Variants in CFHR2 observed in about 807,000 individuals in gnomAD.
The protein encoded by CFHR2 is complement factor H related 2.
Under a neutral mutation model 21.7 loss-of-function variants are expected in CFHR2, and 22 were observed. The observed-to-expected ratio is 1.01, with a 90% CI of 0.72 to 1.45. The LOEUF (loss-of-function observed/expected upper bound fraction) is 1.45, where lower values mean the gene tolerates loss of function less well. Ranked by LOEUF, CFHR2 falls within the 40% of genes most tolerant of loss-of-function variation. The pLI is 0.00. For synonymous variants in CFHR2, 98 were observed against 97.4 expected (o/e 1.01, Z -0.04); for missense variants, 294 against 293.3 (o/e 1.00, Z -0.02).
At chr1:196,948,283 A>T (rs937835376) in intron 1 of CFHR2, among the ~76,000 whole-genome samples, 34 of 151,446 alleles carry the variant, frequency 2.2e-4, no homozygotes, top group Non-Finnish European at 3.8e-4. Context: ...TTTTATTTTA[A>T]TTTTTTTTGA....
intron 2 of CFHR2, 85 bp downstream of exon 2, chr1:196,949,734 T>C: frequency 3.9e-6 from 6 of 1,545,952 alleles, no homozygotes; most frequent in Non-Finnish European, 5.3e-6. Flanking sequence ...CACTTGATAA[T>C]CACAGGAGCA....
rs1219504532 is a variant in CFHR2 at position 196,959,090 on chromosome 1, C to T, written c.*10C>T. The T allele has an allele frequency of 1.9e-6, 3 of 1,552,070 alleles. No individual in the cohort carries two copies. The highest frequency in any genetic ancestry group is 2.6e-6 in the Non-Finnish European group (3 of 1,135,244). ...TTGTGAAGAAAAATAGAATCAATGG[C>T]ATTACTATTAGTAAAATGCACACCT... On this transcript the variant is annotated 3_prime_UTR_variant, in exon 5 of 5. Transcript: ENST00000367415.
rs915968268 is a variant in CFHR2, at chr1:196,958,908, T to C, written c.641T>C (p.Met214Thr). The C allele has an allele frequency of 3.1e-6, 5 of 1,590,760 alleles. No homozygotes were observed. The highest frequency in any genetic ancestry group is 3.4e-6 in the Non-Finnish European group (4 of 1,160,508). The stretch of plus-strand genomic sequence containing the variant: ...CCATGTGTAATATCACAAGAAATTA[T>C]GGAAAAATATAACATAAAATTAAAG... The part of the protein sequence containing the change: ...LDPCVISQEI[M>T]EKYNIKLKWT... Residue 214 changes from methionine to threonine, a missense_variant, in exon 5 of 5, where the codon ATG becomes ACG. Physicochemically the swap from Met to Thr is moderately conservative, Grantham distance 81. Coordinates refer to ENST00000367415, the MANE Select transcript of CFHR2 (RefSeq NM_005666.4).
intron 4 of CFHR2, among the ~76,000 whole-genome samples, chr1:196,958,415 TGAGAGA>T (rs894664239): frequency 6.9e-6 from 1 of 145,180 alleles, no homozygotes; most frequent in Non-Finnish European, 1.5e-5. Context: ...TGTGTGTGTG[TGAGAGA>T]GAGAGAGAGA....
chr1:196,956,958 G>A (rs966808047), intron 3 of CFHR2, among the ~76,000 whole-genome samples: 1 of 152,144 alleles, frequency 6.6e-6, no homozygotes, highest in African/African-American at 2.4e-5. Context: ...ATGGGAAAAG[G>A]GAGCGGTGTC....
rs111351996 is a variant in CFHR2, at chr1:196,958,393, AGTGTGTGT to A, written c.613+336_613+343del. On this transcript the variant is annotated intron_variant, in intron 4 of 4. Transcript: ENST00000367415. ...CCACCTATGGTTACCATTGTGTGTA[AGTGTGTGT>A]GTGTGTGTGTGTGTGAGAGAGAGAG... Among the ~76,000 whole-genome samples the A allele has an allele frequency of 4.4e-4, 65 of 148,620 alleles. No individual in the cohort carries two copies. In the East Asian group the frequency reaches 9.8e-3, roughly 22 times the overall value.
chr1:196,958,059 C>T lies in CFHR2; in HGVS notation c.599C>T (p.Pro200Leu), dbSNP rs1471798601. The T allele has an allele frequency of 6.2e-7, 1 of 1,613,312 alleles. No individual in the cohort carries two copies. Among genetic ancestry groups the T allele is most frequent in the Admixed American group, 1.7e-5 (1 of 59,964 alleles). Residue 200 changes from proline (P) to leucine (L), a missense_variant, in exon 4 of 5, where the codon CCA becomes CTA. Transcript: ENST00000367415. ...TGTAGAAACGGACAATGGTCAGAAC[C>T]ACCAAAATGCTTAGGTAAGTACTTT... ...ITCRNGQWSE[P>L]PKCLDPCVIS...
chr1:196,949,549 CTA>C lies in CFHR2; in HGVS notation c.155_156del (p.Tyr52LeufsTer4), dbSNP rs762036351. 2 of 1,614,020 alleles carry C rather than the reference CTA, an allele frequency of 1.2e-6. No homozygotes were observed. The highest frequency in any genetic ancestry group is 1.7e-6 in the Non-Finnish European group (2 of 1,179,946). ...FSQVPTGEVF[Y>X]YSCEYNFVSP... Reference sequence around the variant, plus strand: ...CCCAAGTTCCTACAGGGGAAGTTTTCTATTACTCCTGTGAATATAATTTTGTG... The same window carrying C: ...CCCAAGTTCCTACAGGGGAAGTTTTCTTACTCCTGTGAATATAATTTTGTG... On this transcript the variant is annotated frameshift_variant, in exon 2 of 5. Transcript: ENST00000367415. LOFTEE classifies it high-confidence loss of function.
In CFHR2 at chr1:196,944,637, G is replaced by T. The variant is rs1346225804; in HGVS notation, c.58+699G>T. Among the ~76,000 whole-genome samples, 4 of 151,850 alleles carry T rather than the reference G, an allele frequency of 2.6e-5. No individual in the cohort carries two copies. In the East Asian group the frequency reaches 7.7e-4, roughly 29 times the overall value. On this transcript the variant is annotated intron_variant, in intron 1 of 4. Coordinates refer to ENST00000367415, the MANE Select transcript of CFHR2 (RefSeq NM_005666.4). ...AATTGCAAACAAAATCTCTACCAAG[G>T]TCTAGGATACTAATTAAACTATGTC...
intron 1 of CFHR2, among the ~76,000 whole-genome samples, chr1:196,944,639 C>G (rs1271629641): frequency 6.6e-6 from 1 of 151,916 alleles, no homozygotes; most frequent in Non-Finnish European, 1.5e-5. Context: ...CTACCAAGGT[C>G]TAGGATACTA....
intron 1 of CFHR2, among the ~76,000 whole-genome samples, chr1:196,944,453 A>C (rs1352417279): frequency 6.6e-6 from 1 of 152,088 alleles, no homozygotes; most frequent in African/African-American, 2.4e-5. Flanking sequence ...TTTATATATA[A>C]ACCAGTGAAC....
chr1:196,950,751 G>A, intron 2 of CFHR2, 101 bp from the exon 3 acceptor site: 5 of 1,361,424 alleles, frequency 3.7e-6, no homozygotes, highest in South Asian at 2.5e-5. Flanking sequence ...GGGATTACCA[G>A]CTTGAGCCAC....
rs145787208 is a variant in CFHR2 at position 196,950,769 on chromosome 1, T to G, written c.254-83T>G. 1,893 of 1,493,222 alleles carry G rather than the reference T, an allele frequency of 1.3e-3. 23 individuals are homozygous for G. The African/African-American group carries it at 0.024, about 19-fold the overall frequency. The allele number at this position is 1,493,222 out of a possible 1,614,324, so 92.5% of individuals were successfully genotyped here. Reference sequence around the variant, plus strand: ...ATTACCAGCTTGAGCCACTTCACCCTATTTATTAAAATATTTTAAAATGCA... The same window carrying G: ...ATTACCAGCTTGAGCCACTTCACCCGATTTATTAAAATATTTTAAAATGCA... On this transcript the variant is annotated intron_variant, in intron 2 of 4. Transcript: ENST00000367415.
chr1:196,950,439 C>T (rs1056968567), intron 2 of CFHR2, among the ~76,000 whole-genome samples: 3 of 151,824 alleles, frequency 2.0e-5, no homozygotes, highest in Non-Finnish European at 4.4e-5. Context: ...GCTTTGAAAG[C>T]TTTCCTTTTT....
At chr1:196,951,694 G>A (rs771299025) in intron 3 of CFHR2, among the ~76,000 whole-genome samples, 8 of 152,136 alleles carry the variant, frequency 5.3e-5, no homozygotes, top group African/African-American at 1.9e-4. Flanking sequence ...AAAGGAGCCC[G>A]ATGGAAACTT....
At chr1:196,948,741 A>G (rs1659614270) in intron 1 of CFHR2, among the ~76,000 whole-genome samples, 1 of 151,988 alleles carries the variant, frequency 6.6e-6, no homozygotes, top group South Asian at 2.1e-4. Flanking sequence ...TGGTTGAATC[A>G]GAGGATGTGA....
chr1:196,945,777 A>AGTGTGTGTGT (rs201838824), intron 1 of CFHR2, among the ~76,000 whole-genome samples: 5,960 of 142,846 alleles, frequency 0.042, 147 homozygotes, highest in Middle Eastern at 0.088. Flanking sequence ...ACTGTGAGTG[A>AGTGTGTGTGT]GTGTGTGTGT....
intron 3 of CFHR2, among the ~76,000 whole-genome samples, chr1:196,956,881 C>T (rs1652904153): frequency 6.6e-6 from 1 of 151,684 alleles, no homozygotes. Flanking sequence ...TCTTATTTGG[C>T]AGGTTCCATT....
chr1:196,953,307 G>A (rs1193681769), intron 3 of CFHR2, among the ~76,000 whole-genome samples: 1 of 151,890 alleles, frequency 6.6e-6, no homozygotes, highest in Non-Finnish European at 1.5e-5. Context: ...TTTTGAGACA[G>A]AGTCTCACTG....
Sources: gnomAD v4.1 joint callset for allele counts (sites outside exome capture counted in the v4.1 genomes callset) on GRCh38, gnomAD v4.1.1 for gene constraint, MANE v1.5 for transcripts, NCBI Gene and HGNC (gene_info 2026-07-23, HGNC 2026-07-21) for gene names.